Variants in STK24 observed in about 807,000 individuals in gnomAD.
STK24 encodes serine/threonine-protein kinase 24.
Under a neutral mutation model 55.6 loss-of-function variants are expected in STK24, and 21 were observed. That is an observed-to-expected ratio of 0.38 (90% confidence interval 0.27 to 0.54). The LOEUF (loss-of-function observed/expected upper bound fraction) is 0.54. Ranked by LOEUF, STK24 falls within the 20% of genes least tolerant of loss-of-function variation. The pLI is 0.79. For synonymous variants in STK24, 200 were observed against 215.2 expected, an observed-to-expected ratio of 0.93 and a Z score of 0.62; for missense variants, 383 against 538.4, an observed-to-expected ratio of 0.71 and a Z score of 2.86.
chr13:98,523,745 C>T (rs556710952), intron 1 of STK24, among the ~76,000 whole-genome samples: 1 of 152,368 alleles, frequency 6.6e-6, no homozygotes, highest in South Asian at 2.1e-4. Context: ...CAAAACTGCT[C>T]AATCCACAGA....
At chr13:98,519,807 C>T (rs1896196878) in intron 1 of STK24, among the ~76,000 whole-genome samples, 1 of 152,216 alleles carries the variant, frequency 6.6e-6, no homozygotes. Flanking sequence ...TTAGGATACA[C>T]AGACTTATCG....
chr13:98,486,058 G>A (rs1411072267), intron 2 of STK24, among the ~76,000 whole-genome samples: 1 of 152,170 alleles, frequency 6.6e-6, no homozygotes, highest in Non-Finnish European at 1.5e-5. Context: ...GCCTGTCGGA[G>A]GGTGGTGGGC....
chr13:98,548,035 A>G (rs756338893), intron 1 of STK24, among the ~76,000 whole-genome samples: 1 of 152,098 alleles, frequency 6.6e-6, no homozygotes, highest in Non-Finnish European at 1.5e-5. Context: ...CAGCAAATCT[A>G]CTGGAGGAGC....
In STK24 at chr13:98,519,867, C is replaced by T. The variant is rs537704548; in HGVS notation, c.43-394G>A. On this transcript the variant is annotated intron_variant, in intron 1 of 10. Transcript: ENST00000539966. ...AATTCACTTTTCTCCATACCCAATC[C>T]CCAAAAGTTCCTGAATTCAAATGAA... Among the ~76,000 whole-genome samples, 10 of 152,194 alleles carry T rather than the reference C, an allele frequency of 6.6e-5. No homozygotes were observed. The South Asian group carries it at 2.1e-3, about 32-fold the overall frequency.
chr13:98,548,313 T>C (rs186727957), intron 1 of STK24, among the ~76,000 whole-genome samples: 2 of 152,332 alleles, frequency 1.3e-5, no homozygotes, highest in African/African-American at 4.8e-5. Flanking sequence ...TGCTCCCCTG[T>C]TCCCATTATG....
At chr13:98,490,047 C>T (rs571676851) in intron 2 of STK24, among the ~76,000 whole-genome samples, 2 of 152,284 alleles carry the variant, frequency 1.3e-5, no homozygotes, top group South Asian at 4.2e-4. Context: ...AAGCCAGAAG[C>T]CAAGATGGTG....
chr13:98,495,500 G>A (rs538092744), intron 2 of STK24, among the ~76,000 whole-genome samples: 12 of 152,286 alleles, frequency 7.9e-5, no homozygotes, highest in African/African-American at 2.6e-4. Context: ...TAAATTATAG[G>A]TAACATTAGC....
chr13:98,529,263 A>G (rs1173607145), intron 1 of STK24, among the ~76,000 whole-genome samples: 2 of 151,018 alleles, frequency 1.3e-5, no homozygotes, highest in Non-Finnish European at 2.9e-5. Context: ...TTCCTCTCTC[A>G]CCCCAACATG....
intron 1 of STK24, chr13:98,576,093 C>A: frequency 1.0e-6 from 1 of 984,914 alleles, no homozygotes; most frequent in South Asian, 4.7e-5. Context: ...CCCTGGTGCG[C>A]GGCTGTCCGA....
chr13:98,511,612 G>T (rs752170572), intron 2 of STK24, among the ~76,000 whole-genome samples: 3 of 152,144 alleles, frequency 2.0e-5, no homozygotes, highest in Non-Finnish European at 2.9e-5. Context: ...CAGTAAAAAG[G>T]AACAAACAAG....
chr13:98,495,504 CATT>C (rs1895218438), intron 2 of STK24, among the ~76,000 whole-genome samples: 1 of 152,156 alleles, frequency 6.6e-6, no homozygotes, highest in Non-Finnish European at 1.5e-5. Flanking sequence ...TTATAGGTAA[CATT>C]AGCCAGAAAA....
At chr13:98,544,459 G>A (rs1438942685) in intron 1 of STK24, among the ~76,000 whole-genome samples, 1 of 152,240 alleles carries the variant, frequency 6.6e-6, no homozygotes, top group East Asian at 1.9e-4. Flanking sequence ...GGGCCCTACT[G>A]GGAGTGGCGC....
intron 5 of STK24, among the ~76,000 whole-genome samples, chr13:98,468,866 T>G (rs1222589558): frequency 6.6e-6 from 1 of 152,232 alleles, no homozygotes; most frequent in Non-Finnish European, 1.5e-5. Context: ...TTCTGGCTAT[T>G]TGAAACACAA....
chr13:98,555,523 G>A (rs922980015), intron 1 of STK24, among the ~76,000 whole-genome samples: 2 of 151,544 alleles, frequency 1.3e-5, no homozygotes, highest in African/African-American at 4.8e-5. Context: ...AGCTTGCAGT[G>A]AGCCGAGATC....
chr13:98,564,571 G>A (rs1320761344), intron 1 of STK24, among the ~76,000 whole-genome samples: 1 of 152,222 alleles, frequency 6.6e-6, no homozygotes, highest in Non-Finnish European at 1.5e-5. Flanking sequence ...AAGGCCCTGA[G>A]TTTTAGGCTG....
intron 2 of STK24, among the ~76,000 whole-genome samples, chr13:98,499,470 G>A (rs1472662913): frequency 1.3e-5 from 2 of 152,160 alleles, no homozygotes; most frequent in South Asian, 4.1e-4. Flanking sequence ...CTTGGAAAAG[G>A]TAACTTCTGA....
intron 2 of STK24, among the ~76,000 whole-genome samples, chr13:98,516,573 G>T (rs1896067257): frequency 6.6e-6 from 1 of 152,194 alleles, no homozygotes; most frequent in East Asian, 1.9e-4. Context: ...GTTCTGACCA[G>T]GAGAACATGA....
rs1331467540 is a variant in STK24 at position 98,457,275 on chromosome 13, C to T, written c.1152G>A (p.Gly384=). 6.2e-7 allele frequency: 1 copy of T among 1,613,862 alleles called. No homozygotes were observed. The highest frequency in any genetic ancestry group is 1.7e-5 in the Admixed American group (1 of 59,998). Residue 384 remains glycine, a synonymous_variant, in exon 10 of 11, where the codon GGG becomes GGA. Coordinates refer to ENST00000539966, the MANE Select transcript of STK24 (RefSeq NM_001032296.4). ...ELKEKSQACG[G]NLGSIEELRG... Reference sequence around the variant, plus strand: ...GCAGCTCTTCAATGGACCCCAAGTTCCCTCCGCACGCCTGGCTCTTCTCCT... The same window carrying T: ...GCAGCTCTTCAATGGACCCCAAGTTTCCTCCGCACGCCTGGCTCTTCTCCT...
chr13:98,503,135 G>A (rs1444348635), intron 2 of STK24, among the ~76,000 whole-genome samples: 1 of 143,858 alleles, frequency 7.0e-6, no homozygotes, highest in East Asian at 2.0e-4. Context: ...TTCAACAGGA[G>A]ATCCCAATTT....
Sources: gnomAD v4.1 joint callset for allele counts (sites outside exome capture counted in the v4.1 genomes callset) on GRCh38, gnomAD v4.1.1 for gene constraint, MANE v1.5 for transcripts, NCBI Gene and HGNC (gene_info 2026-07-23, HGNC 2026-07-21) for gene names.